DAPK1: variants seen among roughly 807,000 people sequenced by gnomAD.
DAPK1 encodes death-associated protein kinase 1.
In DAPK1, 56 loss-of-function variants were observed where a neutral mutation model predicts 144.9. The observed-to-expected ratio is 0.39, with a 90% CI of 0.31 to 0.48. The LOEUF is 0.48. DAPK1 is among the 20% of genes least tolerant of loss of function. The pLI is 0.95. For missense variants in DAPK1, 1,454 were observed against 1,875.4 expected (o/e 0.78, Z 4.15); for synonymous variants, 690 against 749.0 (o/e 0.92, Z 1.29).
intron 18 of DAPK1, chr9:87,667,891 G>A (rs909278975): frequency 3.9e-5 from 6 of 152,212 alleles, no homozygotes; most frequent in Admixed American, 1.3e-4. Context: ...GAGGCTTGCA[G>A]AGAGCACTGA....
At chr9:87,653,131 T>C (rs1396909564) in intron 17 of DAPK1, among the ~76,000 whole-genome samples, 2 of 142,482 alleles carry the variant, frequency 1.4e-5, no homozygotes, top group Admixed American at 1.4e-4. Flanking sequence ...TCTCACCTGA[T>C]CCCAGGTCCT....
intron 19 of DAPK1, 28 bp downstream of exon 19, chr9:87,668,702 T>C (rs1231703362): frequency 1.1e-6 from 1 of 947,678 alleles, no homozygotes; most frequent in Non-Finnish European, 1.8e-6. Context: ...AGGTCTGAAG[T>C]TCTCTACCTG....
chr9:87,604,841 A>G, intron 2 of DAPK1, 113 bp from the exon 3 acceptor site: 2 of 909,982 alleles, frequency 2.2e-6, no homozygotes, highest in South Asian at 3.4e-5. Flanking sequence ...ACTTTCCACA[A>G]TTGGAACTTT....
At chr9:87,651,242 C>T (rs1171358242) in intron 16 of DAPK1, among the ~76,000 whole-genome samples, 3 of 152,192 alleles carry the variant, frequency 2.0e-5, no homozygotes, top group Non-Finnish European at 4.4e-5. Flanking sequence ...GGAGTATCAA[C>T]AATTACTTAT....
chr9:87,582,434 C>T (rs750340554), intron 2 of DAPK1, among the ~76,000 whole-genome samples: 1 of 152,106 alleles, frequency 6.6e-6, no homozygotes, highest in Non-Finnish European at 1.5e-5. Context: ...AGACTTAAAA[C>T]GTGGTCAGGA....
chr9:87,675,421 G>A (rs1160869295), intron 19 of DAPK1, among the ~76,000 whole-genome samples: 3 of 152,076 alleles, frequency 2.0e-5, no homozygotes, highest in Non-Finnish European at 2.9e-5. Flanking sequence ...GGTAGTGAAG[G>A]GTTGGAGGAG....
intron 3 of DAPK1, 132 bp downstream of exon 3, chr9:87,605,307 A>G: frequency 1.4e-6 from 1 of 719,108 alleles, no homozygotes; most frequent in Non-Finnish European, 2.3e-6. Context: ...GAGGTGTGTG[A>G]GAACAATGCC....
intron 25 of DAPK1, among the ~76,000 whole-genome samples, chr9:87,704,927 G>A (rs951566392): frequency 6.6e-6 from 1 of 152,046 alleles, no homozygotes; most frequent in Non-Finnish European, 1.5e-5. Context: ...AGTTCCTTCT[G>A]TTTTTTGTCA....
rs1824616011 is a variant in DAPK1 at position 87,681,416 on chromosome 9, G to A, written c.2014G>A (p.Gly672Arg). The A allele has an allele frequency of 6.2e-7, 1 of 1,603,106 alleles. No homozygotes were observed. The highest frequency in any genetic ancestry group is 1.3e-5 in the African/African-American group (1 of 74,690). The change falls in exon 20 of 26, where the codon GGA becomes AGA. Residue 672 changes from glycine (G) to arginine (R), a missense_variant. Coordinates refer to ENST00000408954, the MANE Select transcript of DAPK1 (RefSeq NM_004938.4). The stretch of plus-strand genomic sequence containing the variant: ...CATCCATGCTCAGGATACGCACCGA[G>A]GACTCTTCATCCAGCAGCTCCGACC... The part of the protein sequence containing the change: ...LARLRKDTHR[G>R]LFIQQLRPTQ...
At chr9:87,498,226 G>A (rs920694401) in intron 1 of DAPK1, 119 bp downstream of exon 1, 4 of 395,948 alleles carry the variant, frequency 1.0e-5, no homozygotes, top group Non-Finnish European at 1.8e-5. Flanking sequence ...GAAGGCCAAG[G>A]CGGAGGGAAA....
At chr9:87,511,541 G>C (rs188762341) in intron 2 of DAPK1, among the ~76,000 whole-genome samples, 2 of 152,172 alleles carry the variant, frequency 1.3e-5, no homozygotes, top group Non-Finnish European at 2.9e-5. Flanking sequence ...CAGCAAGAAG[G>C]CTGCTTGGAA....
chr9:87,560,941 C>T (rs1401010600), intron 2 of DAPK1, among the ~76,000 whole-genome samples: 2 of 152,020 alleles, frequency 1.3e-5, no homozygotes, highest in Non-Finnish European at 2.9e-5. Flanking sequence ...GTTGGGATTA[C>T]CAGTGTGAGC....
chr9:87,659,699 C>G (rs1830762950), intron 18 of DAPK1, among the ~76,000 whole-genome samples: 1 of 152,146 alleles, frequency 6.6e-6, no homozygotes. Context: ...CCTCCTTGCT[C>G]TCCCGCTTGC....
intron 2 of DAPK1, among the ~76,000 whole-genome samples, chr9:87,574,448 T>G (rs1420582818): frequency 6.6e-6 from 1 of 152,224 alleles, no homozygotes; most frequent in African/African-American, 2.4e-5. Flanking sequence ...TCCCAGCCAT[T>G]TTATATATAT....
chr9:87,558,541 C>G (rs1826797521), intron 2 of DAPK1, among the ~76,000 whole-genome samples: 1 of 152,060 alleles, frequency 6.6e-6, no homozygotes, highest in African/African-American at 2.4e-5. Flanking sequence ...AGTACAGATA[C>G]ACAAGCTGTA....
intron 19 of DAPK1, among the ~76,000 whole-genome samples, chr9:87,672,116 A>G (rs1587832371): frequency 6.6e-6 from 1 of 152,286 alleles, no homozygotes; most frequent in East Asian, 1.9e-4. Context: ...TGTCCCTTGC[A>G]CACTGCCTGC....
At chr9:87,595,412 G>C (rs1828278166) in intron 2 of DAPK1, among the ~76,000 whole-genome samples, 1 of 152,136 alleles carries the variant, frequency 6.6e-6, no homozygotes, top group Non-Finnish European at 1.5e-5. Flanking sequence ...GATGGATCTT[G>C]GACCTTCCTC....
intron 2 of DAPK1, among the ~76,000 whole-genome samples, chr9:87,597,720 C>G (rs1828369325): frequency 6.6e-6 from 1 of 152,148 alleles, no homozygotes; most frequent in African/African-American, 2.4e-5. Context: ...TGACATTGCT[C>G]CATCTGCACA....
rs1327007121 is a variant in DAPK1, at chr9:87,706,877, C to T, written c.3806C>T (p.Thr1269Ile). 5 of 1,614,028 alleles carry T rather than the reference C, an allele frequency of 3.1e-6. No individual in the cohort carries two copies. Among genetic ancestry groups the T allele is most frequent in the African/African-American group, 2.7e-5 (2 of 75,050 alleles). ...CAGACTCTGAAGGAAACCTCACTGA[C>T]CAACACCATGGGGGGGTACAAGGAA... ...RAQTLKETSL[T>I]NTMGGYKESF... The change falls in exon 26 of 26, where the codon ACC becomes ATC. Residue 1269 changes from threonine (T) to isoleucine (I), a missense_variant. By Grantham distance (89) the Thr-to-Ile change is moderately conservative. Transcript: ENST00000408954. This position sits in a 1 kb window ranked among gnomAD's most constrained non-coding sequence, Gnocchi z 9.0.
Sources: allele counts gnomAD v4.1 joint callset (sites outside exome capture counted in the v4.1 genomes callset), GRCh38; gene constraint gnomAD v4.1.1; non-coding constraint Gnocchi (gnomAD v3.1); transcripts MANE v1.5; gene names NCBI Gene and HGNC (gene_info 2026-07-23, HGNC 2026-07-21).